Variants in CFDP1 observed in about 807,000 individuals in gnomAD.
CFDP1 encodes chromatin remodeling protein CFDP1.
A neutral mutation model predicts 40.1 loss-of-function variants in CFDP1; 31 were observed. That is an observed-to-expected ratio of 0.77 (90% confidence interval 0.58 to 1.04). The LOEUF (loss-of-function observed/expected upper bound fraction) is 1.04, where lower values mean the gene tolerates loss of function less well. Ranked by LOEUF, CFDP1 falls within the 50% of genes least tolerant of loss-of-function variation. The pLI, the probability that CFDP1 is intolerant of heterozygous loss-of-function variation, is 0.00. For missense variants in CFDP1, 423 were observed against 343.4 expected (o/e 1.23, Z -1.83); for synonymous variants, 167 against 120.0 (o/e 1.39, Z -2.56).
chr16:75,405,204 C>A (rs2079087820), intron 4 of CFDP1, among the ~76,000 whole-genome samples: 1 of 152,158 alleles, frequency 6.6e-6, no homozygotes, highest in South Asian at 2.1e-4. Context: ...CGCAGTAGGA[C>A]ATTACAATGT....
At chr16:75,411,382 T>C (rs564653055) in intron 4 of CFDP1, among the ~76,000 whole-genome samples, 14 of 152,080 alleles carry the variant, frequency 9.2e-5, no homozygotes, top group African/African-American at 3.1e-4. Context: ...CTGCATTCCA[T>C]CCTGGGCTAC....
intron 5 of CFDP1, among the ~76,000 whole-genome samples, chr16:75,319,702 T>C (rs2078348954): frequency 6.6e-6 from 1 of 152,112 alleles, no homozygotes; most frequent in South Asian, 2.1e-4. Flanking sequence ...AGAGGCAGCT[T>C]CCACTTCTCC....
intron 6 of CFDP1, among the ~76,000 whole-genome samples, chr16:75,296,322 C>G (rs1344188674): frequency 6.6e-6 from 1 of 152,100 alleles, no homozygotes; most frequent in Non-Finnish European, 1.5e-5. Context: ...ACTGCAGCCT[C>G]GACCTCTCAG....
chr16:75,340,556 T>C (rs761746308), intron 5 of CFDP1, among the ~76,000 whole-genome samples: 1 of 152,218 alleles, frequency 6.6e-6, no homozygotes. Context: ...TTAAATGTCA[T>C]TGCCTTTGGG....
At chr16:75,318,408 C>CTTT (rs11437738) in intron 5 of CFDP1, among the ~76,000 whole-genome samples, 8 of 138,508 alleles carry the variant, frequency 5.8e-5, no homozygotes, top group African/African-American at 8.0e-5. Context: ...TTCTTTCTTT[C>CTTT]TTTTTTTTTT....
At chr16:75,342,099 T>C (rs1268977632) in intron 5 of CFDP1, among the ~76,000 whole-genome samples, 1 of 152,196 alleles carries the variant, frequency 6.6e-6, no homozygotes, top group African/African-American at 2.4e-5. Context: ...CACCAACAGA[T>C]GTTTCCAAAG....
intron 5 of CFDP1, among the ~76,000 whole-genome samples, chr16:75,309,388 C>T (rs1473586842): frequency 4.6e-5 from 7 of 151,956 alleles, no homozygotes; most frequent in African/African-American, 1.7e-4. Context: ...ACAGAAAAGC[C>T]TACTTCAGCC....
At chr16:75,413,595 G>A (rs1382031102) in intron 2 of CFDP1, among the ~76,000 whole-genome samples, 1 of 151,198 alleles carries the variant, frequency 6.6e-6, no homozygotes, top group Non-Finnish European at 1.5e-5. Flanking sequence ...CAAAAAAACT[G>A]GGCCCAAGAC....
At chr16:75,360,385 C>T (rs1340868030) in intron 5 of CFDP1, among the ~76,000 whole-genome samples, 3 of 152,136 alleles carry the variant, frequency 2.0e-5, no homozygotes, top group African/African-American at 7.2e-5. Context: ...AAAGACAATG[C>T]CATTAGCCAA....
At chr16:75,398,529 C>A (rs2079017940) in intron 4 of CFDP1, among the ~76,000 whole-genome samples, 1 of 151,954 alleles carries the variant, frequency 6.6e-6, no homozygotes, top group African/African-American at 2.4e-5. Context: ...ACAGCTTCCA[C>A]CTGGCATGCT....
At chr16:75,416,059 G>T (rs928708674) in intron 1 of CFDP1, among the ~76,000 whole-genome samples, 4 of 151,998 alleles carry the variant, frequency 2.6e-5, no homozygotes, top group African/African-American at 9.7e-5. Context: ...TATCATGTTG[G>T]CCAGGCTGGT....
chr16:75,326,272 T>A (rs1188970535), intron 5 of CFDP1, among the ~76,000 whole-genome samples: 2 of 152,092 alleles, frequency 1.3e-5, no homozygotes, highest in African/African-American at 4.8e-5. Flanking sequence ...GAGGGCTAGT[T>A]TTAAAGTCAT....
chr16:75,359,233 C>A (rs1364079), intron 5 of CFDP1, among the ~76,000 whole-genome samples: 73,816 of 151,982 alleles, frequency 0.49, 19,719 homozygotes, highest in Admixed American at 0.63. Context: ...ATTTTAATTT[C>A]TTATACTATA....
intron 4 of CFDP1, among the ~76,000 whole-genome samples, chr16:75,410,073 A>C (rs1196208923): frequency 3.3e-5 from 5 of 149,372 alleles, no homozygotes; most frequent in South Asian, 4.2e-4. Context: ...AAAAAAAAAA[A>C]AAAAAAAAAA....
chr16:75,414,436 TA>T, intron 2 of CFDP1, 141 bp downstream of exon 2: 1 of 653,136 alleles, frequency 1.5e-6, no homozygotes, highest in Admixed American at 2.4e-5. Flanking sequence ...AAGTTAATCC[TA>T]AAATAACAGC....
At chr16:75,296,940 G>A (rs2078186226) in intron 6 of CFDP1, among the ~76,000 whole-genome samples, 1 of 152,186 alleles carries the variant, frequency 6.6e-6, no homozygotes, top group African/African-American at 2.4e-5. Flanking sequence ...TACTAAGAAT[G>A]ACAGTAGCTC....
At chr16:75,410,177 A>C (rs1274449967) in intron 4 of CFDP1, among the ~76,000 whole-genome samples, 1 of 152,004 alleles carries the variant, frequency 6.6e-6, no homozygotes, top group East Asian at 1.9e-4. Context: ...TTTTAAGAAT[A>C]ACAATTTTAG....
intron 5 of CFDP1, among the ~76,000 whole-genome samples, chr16:75,323,326 T>C (rs763306262): frequency 1.4e-4 from 22 of 152,092 alleles, no homozygotes; most frequent in Admixed American, 5.9e-4. Flanking sequence ...TTTTGTCCCA[T>C]TGGAAAGTCT....
In CFDP1 at chr16:75,433,439, C is replaced by T; in HGVS notation, c.-87G>A. On this transcript the variant is annotated 5_prime_UTR_variant, in exon 1 of 7. Coordinates refer to ENST00000283882, the MANE Select transcript of CFDP1 (RefSeq NM_006324.3). ...GCTCTAGGGAGAGACCATAGAGCCC[C>T]GGCGGCGGCGACGGCAGCTAGGGCG... 7.4e-7 allele frequency: 1 copy of T among 1,359,692 alleles called. No homozygotes were observed. The allele number at this position is 1,359,692 out of a possible 1,614,324, so 84.2% of individuals were successfully genotyped here.
Sources: gnomAD v4.1 joint callset for allele counts (sites outside exome capture counted in the v4.1 genomes callset) on GRCh38, gnomAD v4.1.1 for gene constraint, MANE v1.5 for transcripts, NCBI Gene and HGNC (gene_info 2026-07-23, HGNC 2026-07-21) for gene names.